Variants in ZNF563 observed in about 807,000 individuals in gnomAD.
ZNF563 encodes the protein zinc finger protein 563.
In ZNF563, 39 loss-of-function variants were observed where a neutral mutation model predicts 48.5. That is an observed-to-expected ratio of 0.80 (90% CI 0.62 to 1.05). The LOEUF (loss-of-function observed/expected upper bound fraction) is 1.05, where lower values mean the gene tolerates loss of function less well. ZNF563 is among the 50% of genes least tolerant of loss of function. The probability of loss-of-function intolerance (pLI) is 0.00; values close to 1 mark genes in which losing one functional copy is unlikely to be tolerated. For missense variants in ZNF563, 538 were observed against 597.0 expected, an observed-to-expected ratio of 0.90 and a Z score of 1.03; for synonymous variants, 168 against 187.9, an observed-to-expected ratio of 0.89 and a Z score of 0.87.
the ZNF563 span, chr19:12,346,070 GAA>G: frequency 6.6e-6 from 1 of 152,014 alleles, no homozygotes; most frequent in East Asian, 1.9e-4. Flanking sequence ...AAGATGAAAA[GAA>G]AACCTACAGA....
Position 12,318,682 on chromosome 19 carries a change from G to T in ZNF563, c.1343C>A (p.Pro448Gln). Residue 448 changes from proline to glutamine, a missense_variant, in exon 4 of 4, where the codon CCG becomes CAG. By Grantham distance (76) the Pro-to-Gln change is moderately conservative. Transcript: ENST00000293725. The stretch of plus-strand genomic sequence containing the variant: ...TTTCCCACATACCTTGCATTTATTC[G>T]GCCCATCTCCCGTATGCATTACCAT... Reference protein sequence around the residue: ...RHMVMHTGDGPNKCKVCGKAF... With the variant: ...RHMVMHTGDGQNKCKVCGKAF... The T allele has an allele frequency of 1.2e-6, 2 of 1,614,052 alleles. No homozygotes were observed. Among genetic ancestry groups the T allele is most frequent in the South Asian group, 1.1e-5 (1 of 91,086 alleles).
intron 2 of ZNF563, among the ~76,000 whole-genome samples, chr19:12,321,569 C>T (rs538042904): frequency 1.3e-4 from 20 of 152,182 alleles, no homozygotes; most frequent in African/African-American, 3.9e-4. Context: ...CTCAGCCTTC[C>T]GAGTAGCTGG....
chr19:12,318,459 T>C lies in ZNF563; in HGVS notation c.*135A>G. The C allele has an allele frequency of 2.0e-6, 2 of 1,004,196 alleles. No individual in the cohort carries two copies. The highest frequency in any genetic ancestry group is 2.9e-6 in the Non-Finnish European group (2 of 695,350). 62.2% of individuals were successfully genotyped at this position (1,004,196 alleles called of 1,614,324 possible). On this transcript the variant is annotated 3_prime_UTR_variant, in exon 4 of 4. Coordinates refer to ENST00000293725, the MANE Select transcript of ZNF563 (RefSeq NM_145276.3). ...TACAGCATCTCTCCAGTGTGAGATA[T>C]TTCATGATTTTGAAAGGAATAAAAA... is the stretch of plus-strand genomic sequence containing the variant.
chr19:12,342,010 A>C, the ZNF563 span, among the ~76,000 whole-genome samples: 1 of 152,214 alleles, frequency 6.6e-6, no homozygotes, highest in Non-Finnish European at 1.5e-5. Flanking sequence ...TGAGATAATA[A>C]GATGTATCTT....
the ZNF563 span, among the ~76,000 whole-genome samples, chr19:12,342,438 G>A: frequency 1.3e-5 from 2 of 151,452 alleles, no homozygotes; most frequent in African/African-American, 4.9e-5. Flanking sequence ...AATTGCAATA[G>A]AAAATACTTT....
At chr19:12,333,001 C>A (rs905331346) in intron 1 of ZNF563, among the ~76,000 whole-genome samples, 3 of 152,180 alleles carry the variant, frequency 2.0e-5, no homozygotes, top group Admixed American at 1.3e-4. Flanking sequence ...TTACTGCCAG[C>A]CCCAGGAGTT....
intron 1 of ZNF563, among the ~76,000 whole-genome samples, chr19:12,331,385 G>A (rs1968913216): frequency 1.3e-5 from 2 of 150,480 alleles, no homozygotes; most frequent in Admixed American, 1.3e-4. Context: ...ACCAGATACC[G>A]CACTGTGTAC....
intron 3 of ZNF563, among the ~76,000 whole-genome samples, chr19:12,320,180 G>A (rs1968573370): frequency 6.6e-6 from 1 of 152,084 alleles, no homozygotes; most frequent in Admixed American, 6.5e-5. Context: ...GCCTCCCAAA[G>A]TGCTGGGATT....
At chr19:12,338,445 C>T (rs932119717), upstream of ZNF563, among the ~76,000 whole-genome samples, 2 of 152,054 alleles carry the variant, frequency 1.3e-5, no homozygotes, top group African/African-American at 4.8e-5. Context: ...GATGGGGTTT[C>T]GCCATGTTGG....
intron 2 of ZNF563, 69 bp from the exon 3 acceptor site, chr19:12,321,401 A>G: frequency 1.9e-5 from 18 of 967,586 alleles, no homozygotes; most frequent in Non-Finnish European, 2.6e-5. Flanking sequence ...GATTTTATGT[A>G]TACTGCAATC....
chr19:12,322,951 G>A (rs1968673183), intron 1 of ZNF563, among the ~76,000 whole-genome samples: 1 of 152,180 alleles, frequency 6.6e-6, no homozygotes, highest in African/African-American at 2.4e-5. Context: ...TGAGTTAAAT[G>A]AGTCTTATTG....
the ZNF563 span, among the ~76,000 whole-genome samples, chr19:12,342,480 A>AAC: frequency 7.7e-4 from 116 of 150,788 alleles, no homozygotes; most frequent in African/African-American, 2.7e-3. Context: ...AAAAAAAACA[A>AAC]AAAAAAAAGA....
chr19:12,344,581 A>G, the ZNF563 span, among the ~76,000 whole-genome samples: 1 of 152,216 alleles, frequency 6.6e-6, no homozygotes, highest in African/African-American at 2.4e-5. Flanking sequence ...CCTTAATAGG[A>G]AAAAAGTCAC....
At chr19:12,331,319 C>A (rs1452745318) in intron 1 of ZNF563, among the ~76,000 whole-genome samples, 1 of 152,038 alleles carries the variant, frequency 6.6e-6, no homozygotes, top group Non-Finnish European at 1.5e-5. Context: ...CCTGGGACAT[C>A]CCCCACCCCC....
the ZNF563 span, among the ~76,000 whole-genome samples, chr19:12,339,182 A>C: frequency 1.3e-5 from 2 of 152,050 alleles, no homozygotes; most frequent in Non-Finnish European, 2.9e-5. Flanking sequence ...TTTAAATGTC[A>C]ATCAGTGACC....
At position 12,333,513 on chromosome 19, in the gene ZNF563, C is replaced by T; in HGVS notation, c.-31G>A. ...GGCTTCCGGGATGTTCCAGGGTCCT[C>T]CCTCTGCCTCCCGCTGCCAGTGCGG... On this transcript the variant is annotated 5_prime_UTR_variant, in exon 1 of 4. Transcript: ENST00000293725. The T allele has an allele frequency of 1.2e-6, 2 of 1,613,276 alleles. No individual in the cohort carries two copies. Among genetic ancestry groups the T allele is most frequent in the Non-Finnish European group, 1.7e-6 (2 of 1,179,632 alleles).
At position 12,318,468 on chromosome 19, in the gene ZNF563, T is replaced by G. The variant is rs1346565426; in HGVS notation, c.*126A>C. ...TCTCCAGTGTGAGATATTTCATGATTTTGAAAGGAATAAAAATTATGAAAG... is the reference window on the plus strand; with the variant it reads ...TCTCCAGTGTGAGATATTTCATGATGTTGAAAGGAATAAAAATTATGAAAG... On this transcript the variant is annotated 3_prime_UTR_variant, in exon 4 of 4. Transcript: ENST00000293725. 1.7e-5 allele frequency: 18 copies of G among 1,090,326 alleles called. No individual in the cohort carries two copies. The highest frequency in any genetic ancestry group is 2.2e-5 in the Non-Finnish European group (17 of 770,480). 67.5% of individuals were successfully genotyped at this position (1,090,326 alleles called of 1,614,324 possible).
intron 1 of ZNF563, among the ~76,000 whole-genome samples, chr19:12,324,683 C>A (rs992723665): frequency 6.6e-5 from 9 of 135,586 alleles, no homozygotes; most frequent in African/African-American, 2.5e-4. Context: ...CGCTATCGCA[C>A]TTCAGCCTGG....
chr19:12,324,395 G>T (rs1217239906), intron 1 of ZNF563, among the ~76,000 whole-genome samples: 1 of 151,960 alleles, frequency 6.6e-6, no homozygotes, highest in African/African-American at 2.4e-5. Flanking sequence ...AAATCTAATA[G>T]AAGTCACAAA....
Sources: allele counts gnomAD v4.1 joint callset (sites outside exome capture counted in the v4.1 genomes callset), GRCh38; gene constraint gnomAD v4.1.1; transcripts MANE v1.5; gene names NCBI Gene and HGNC (gene_info 2026-07-23, HGNC 2026-07-21).